The following COMMD1 variants were observed in gnomAD, a reference collection of about 807,000 sequenced individuals.
The protein encoded by COMMD1 is copper metabolism domain containing 1, also known as COMM domain-containing protein 1.
Under a neutral mutation model 17.2 loss-of-function variants are expected in COMMD1, and 10 were observed. The observed-to-expected ratio is 0.58, with a 90% confidence interval of 0.36 to 0.99. The LOEUF (loss-of-function observed/expected upper bound fraction) is 0.99. Among genes scored for constraint, COMMD1 ranks in the 50% least tolerant of loss-of-function variants. COMMD1 has a pLI of 0.01. For missense variants in COMMD1, 270 were observed against 231.8 expected, an observed-to-expected ratio of 1.17 and a Z score of -1.07; for synonymous variants, 97 against 91.6, an observed-to-expected ratio of 1.06 and a Z score of -0.34.
intron 2 of COMMD1, among the ~76,000 whole-genome samples, chr2:62,082,360 A>G (rs1447891919): frequency 1.3e-5 from 2 of 152,134 alleles, no homozygotes; most frequent in Non-Finnish European, 2.9e-5. Context: ...GAGACCTTAG[A>G]ACACTCAAGT....
intron 1 of COMMD1, among the ~76,000 whole-genome samples, chr2:61,997,131 CT>C (rs1320994376): frequency 2.0e-5 from 3 of 150,790 alleles, no homozygotes; most frequent in African/African-American, 7.3e-5. Flanking sequence ...GCCATCTTGG[CT>C]TATGCAGCCT....
intron 2 of COMMD1, among the ~76,000 whole-genome samples, chr2:62,062,005 A>G (rs1670873511): frequency 1.3e-5 from 2 of 151,492 alleles, no homozygotes; most frequent in African/African-American, 4.8e-5. Context: ...AAAAAACAGA[A>G]ACAAAAAAAC....
intron 2 of COMMD1, among the ~76,000 whole-genome samples, chr2:62,045,544 C>T (rs955467207): frequency 4.7e-5 from 7 of 150,536 alleles, no homozygotes; most frequent in Non-Finnish European, 8.9e-5. Flanking sequence ...TATTATCATG[C>T]TTACTTTCCT....
At chr2:61,985,547 C>T (rs1018999770) in intron 1 of COMMD1, among the ~76,000 whole-genome samples, 7 of 151,998 alleles carry the variant, frequency 4.6e-5, no homozygotes, top group African/African-American at 1.7e-4. Flanking sequence ...GTCTTCTCTC[C>T]CTTCTTTTCT....
At chr2:61,959,601 G>A (rs991193622) in intron 1 of COMMD1, among the ~76,000 whole-genome samples, 3 of 152,166 alleles carry the variant, frequency 2.0e-5, no homozygotes, top group African/African-American at 7.2e-5. Flanking sequence ...CACACATCTT[G>A]TTCATAAAAG....
intron 1 of COMMD1, among the ~76,000 whole-genome samples, chr2:61,974,282 G>T (rs1276257489): frequency 6.6e-6 from 1 of 151,498 alleles, no homozygotes; most frequent in Admixed American, 6.6e-5. Flanking sequence ...GACTGTCTAA[G>T]AAAAAAGAAG....
intron 2 of COMMD1, among the ~76,000 whole-genome samples, chr2:62,016,566 G>GT (rs952198995): frequency 5.3e-5 from 7 of 133,296 alleles, no homozygotes; most frequent in Non-Finnish European, 9.8e-5. Flanking sequence ...CACTTTTATT[G>GT]TTTTTTTTGT....
At chr2:62,040,952 C>A (rs1422581410) in intron 2 of COMMD1, among the ~76,000 whole-genome samples, 2 of 152,192 alleles carry the variant, frequency 1.3e-5, no homozygotes, top group Non-Finnish European at 2.9e-5. Flanking sequence ...CTCAAGTGGC[C>A]TGCCCACCTT....
In COMMD1 at chr2:61,894,856, G is replaced by A. The variant is rs921183354; in HGVS notation, n.119+6014G>A. The stretch of plus-strand genomic sequence containing the variant: ...TGGGATTACAGGCATGCACCACCAC[G>A]CCCAGCTAATTTTGTATTTTTAGTA... On this transcript the variant is annotated intron_variant and non_coding_transcript_variant, in intron 1 of 2. Coordinates refer to the COMMD1 transcript ENST00000472729. Among the ~76,000 whole-genome samples, 5 of 151,750 alleles carry A rather than the reference G, an allele frequency of 3.3e-5. No homozygotes were observed. In the East Asian group the frequency reaches 7.8e-4, roughly 24 times the overall value.
chr2:62,073,210 G>C (rs1671246535), intron 2 of COMMD1, among the ~76,000 whole-genome samples: 1 of 152,204 alleles, frequency 6.6e-6, no homozygotes, highest in African/African-American at 2.4e-5. Context: ...TTTTGTGGGG[G>C]AAATTTGCAT....
chr2:61,888,542 G>C (rs761488337), upstream of COMMD1: 1 of 1,599,332 alleles, frequency 6.3e-7, no homozygotes, highest in Non-Finnish European at 8.5e-7. Flanking sequence ...GGCTCGGGAA[G>C]GACGGATGGA....
At position 62,046,625 on chromosome 2, in the gene COMMD1, C is replaced by T. The variant is rs550760728; in HGVS notation, c.462+45643C>T. On this transcript the variant is annotated intron_variant, in intron 2 of 2. Coordinates refer to ENST00000311832, the MANE Select transcript of COMMD1 (RefSeq NM_152516.4). ...GAGAAGACCTTATGAATCCTTATGC[C>T]TACTATATTGTCTTGATCTTCTGAA... Among the ~76,000 whole-genome samples, 7 of 152,296 alleles carry T rather than the reference C, an allele frequency of 4.6e-5. No homozygotes were observed. The South Asian group carries it at 1.5e-3, about 32-fold the overall frequency.
intron 2 of COMMD1, among the ~76,000 whole-genome samples, chr2:62,024,251 C>G (rs1231255984): frequency 2.0e-5 from 3 of 152,112 alleles, no homozygotes; most frequent in Non-Finnish European, 1.5e-5. Flanking sequence ...GGGTCTCCCT[C>G]TGTAACTCAT....
intron 1 of COMMD1, among the ~76,000 whole-genome samples, chr2:61,966,160 A>T (rs1477332223): frequency 6.6e-6 from 1 of 152,082 alleles, no homozygotes; most frequent in East Asian, 1.9e-4. Flanking sequence ...AATCTAATAC[A>T]CTGTGTACTC....
At chr2:61,947,702 A>T (rs1670944785) in intron 1 of COMMD1, among the ~76,000 whole-genome samples, 1 of 150,100 alleles carries the variant, frequency 6.7e-6, no homozygotes, top group African/African-American at 2.5e-5. Context: ...AAACAAAAAA[A>T]ATTTTTTTTT....
intron 1 of COMMD1, among the ~76,000 whole-genome samples, chr2:61,986,393 C>T (rs1231432192): frequency 6.6e-6 from 1 of 151,720 alleles, no homozygotes; most frequent in African/African-American, 2.4e-5. Flanking sequence ...GTTCTGTAAC[C>T]TTCTTGTTCT....
At chr2:62,066,084 G>A (rs1159904459) in intron 2 of COMMD1, among the ~76,000 whole-genome samples, 1 of 152,254 alleles carries the variant, frequency 6.6e-6, no homozygotes, top group Non-Finnish European at 1.5e-5. Context: ...TGGCATTACT[G>A]GGGTTTAATT....
intron 2 of COMMD1, among the ~76,000 whole-genome samples, chr2:62,109,204 A>G (rs943401075): frequency 6.6e-6 from 1 of 152,222 alleles, no homozygotes; most frequent in Non-Finnish European, 1.5e-5. Flanking sequence ...ATACCAAGAA[A>G]TGAAAACCTT....
At chr2:62,026,122 TATA>T (rs1669749470) in intron 2 of COMMD1, among the ~76,000 whole-genome samples, 2 of 152,304 alleles carry the variant, frequency 1.3e-5, no homozygotes, top group East Asian at 3.9e-4. Context: ...TCAGACTTTA[TATA>T]AAACTCAGCA....
Sources: gnomAD v4.1 joint callset for allele counts (sites outside exome capture counted in the v4.1 genomes callset) on GRCh38, gnomAD v4.1.1 for gene constraint, MANE v1.5 for transcripts, NCBI Gene and HGNC (gene_info 2026-07-23, HGNC 2026-07-21) for gene names.